CFAP44: variants seen among roughly 807,000 people sequenced by gnomAD.
CFAP44 encodes cilia- and flagella-associated protein 44.
CFAP44 carries 134 observed loss-of-function variants against 216.2 expected under a neutral mutation model. That is an observed-to-expected ratio of 0.62 (90% confidence interval 0.54 to 0.72). CFAP44 has a LOEUF of 0.72. Ranked by LOEUF, CFAP44 falls within the 30% of genes least tolerant of loss-of-function variation. The pLI is 0.00. For missense variants in CFAP44, 2,035 were observed against 2,182.1 expected (o/e 0.93, Z 1.34); for synonymous variants, 700 against 727.6 (o/e 0.96, Z 0.61).
At chr3:113,410,891 A>G (rs568967772) in intron 6 of CFAP44, among the ~76,000 whole-genome samples, 16 of 152,308 alleles carry the variant, frequency 1.1e-4, no homozygotes, top group Non-Finnish European at 1.8e-4. Context: ...CATTTCTCTG[A>G]TGGCCAGTGA....
At chr3:113,394,219 G>A (rs1933927208) in intron 15 of CFAP44, among the ~76,000 whole-genome samples, 1 of 152,008 alleles carries the variant, frequency 6.6e-6, no homozygotes, top group South Asian at 2.1e-4. Flanking sequence ...CATATGTATA[G>A]ATTTATGTAA....
chr3:113,390,479 A>G (rs1194783075), intron 15 of CFAP44, among the ~76,000 whole-genome samples: 5 of 152,170 alleles, frequency 3.3e-5, no homozygotes, highest in Non-Finnish European at 7.4e-5. Context: ...TCAACATAGT[A>G]CTGGAAGTTC....
intron 10 of CFAP44, 118 bp downstream of exon 10, chr3:113,401,466 A>G: frequency 2.3e-6 from 3 of 1,302,006 alleles, no homozygotes; most frequent in Non-Finnish European, 3.2e-6. Flanking sequence ...AAAGCCACAC[A>G]ATAAGCAATC....
At chr3:113,372,606 C>T (rs968538135) in intron 18 of CFAP44, among the ~76,000 whole-genome samples, 1 of 152,100 alleles carries the variant, frequency 6.6e-6, no homozygotes, top group Non-Finnish European at 1.5e-5. Flanking sequence ...GGAGGGATAG[C>T]ATTAGGAGAA....
chr3:113,436,123 C>T (rs962795458), intron 1 of CFAP44, among the ~76,000 whole-genome samples: 1 of 152,140 alleles, frequency 6.6e-6, no homozygotes, highest in Non-Finnish European at 1.5e-5. Flanking sequence ...ACATCCACTC[C>T]AGCACTGTCA....
At chr3:113,323,870 C>A (rs550514266) in intron 28 of CFAP44, among the ~76,000 whole-genome samples, 1 of 151,848 alleles carries the variant, frequency 6.6e-6, no homozygotes, top group Non-Finnish European at 1.5e-5. Context: ...GGTGAAATCC[C>A]GTCTCTACTA....
In CFAP44 at chr3:113,406,909, A is replaced by C; in HGVS notation, c.1005+18T>G. The C allele has an allele frequency of 6.4e-7, 1 of 1,569,102 alleles. No individual in the cohort carries two copies. Among genetic ancestry groups the C allele is most frequent in the Non-Finnish European group, 8.8e-7 (1 of 1,140,844 alleles). On this transcript the variant is annotated intron_variant, in intron 8 of 34. Coordinates refer to ENST00000393845, the MANE Select transcript of CFAP44 (RefSeq NM_001164496.2). ...TGAAAACACAATTTTAATATTGTAG[A>C]ATAGTAGCTGTACTCACCTTCCCAT...
At chr3:113,322,037 G>A (rs894750516) in intron 28 of CFAP44, among the ~76,000 whole-genome samples, 9 of 152,128 alleles carry the variant, frequency 5.9e-5, no homozygotes, top group African/African-American at 2.2e-4. Context: ...AAATTCATAT[G>A]GAACCAAAAA....
chr3:113,341,310 C>T (rs929446422), intron 24 of CFAP44, among the ~76,000 whole-genome samples: 49 of 152,142 alleles, frequency 3.2e-4, no homozygotes, highest in African/African-American at 4.8e-5. Flanking sequence ...AAAGGGACCA[C>T]TCCTTTCCCT....
In CFAP44 at chr3:113,296,812, C is replaced by T. The variant is rs1419493291; in HGVS notation, c.5151G>A (p.Thr1717=). Residue 1717 remains threonine, a synonymous_variant, in exon 33 of 35, where the codon ACG becomes ACA. Coordinates refer to ENST00000393845, the MANE Select transcript of CFAP44 (RefSeq NM_001164496.2). ...CTTCAAGTGTTGTATTAACAGAAAG[C>T]GTTTGAAGGGCTTCTAGATTTACCA... The part of the protein sequence containing the change: ...GRVVNLEALQ[T]LSVNTTLEEL... The T allele has an allele frequency of 5.9e-6, 9 of 1,537,454 alleles. No individual in the cohort carries two copies. Among genetic ancestry groups the T allele is most frequent in the Non-Finnish European group, 7.8e-6 (9 of 1,146,986 alleles).
Position 113,290,491 on chromosome 3 carries a change from A to G in CFAP44, c.*1066T>C, listed in dbSNP as rs1949818605. On this transcript the variant is annotated 3_prime_UTR_variant, in exon 35 of 35. Transcript: ENST00000393845. ...ACCCGCCCTTCTCAGTGACCAGCTTATCCTGGAACAGCCTCAATGAGTAGC... is the reference window on the plus strand; with the variant it reads ...ACCCGCCCTTCTCAGTGACCAGCTTGTCCTGGAACAGCCTCAATGAGTAGC... 6.6e-6 allele frequency: 1 copy of G among 152,232 alleles called. No homozygotes were observed. Among genetic ancestry groups the G allele is most frequent in the African/African-American group, 2.4e-5 (1 of 41,458 alleles). The allele number at this position is 152,232 out of a possible 1,614,324, so 9.4% of individuals were successfully genotyped here.
chr3:113,338,754 C>A (rs1950304520), intron 24 of CFAP44, among the ~76,000 whole-genome samples: 1 of 152,108 alleles, frequency 6.6e-6, no homozygotes, highest in Admixed American at 6.5e-5. Flanking sequence ...GAGAAGGGGA[C>A]CTTGGCCTTA....
chr3:113,308,285 G>C lies in CFAP44; in HGVS notation c.4517-17C>G. ...CATCTTCATCTATGGAAAGAGGAGG[G>C]CATTGTTAACAAAGAAGCTTCTATA... On this transcript the variant is annotated splice_polypyrimidine_tract_variant and intron_variant, in intron 28 of 34. Transcript: ENST00000393845. 4.0e-6 allele frequency: 6 copies of C among 1,492,242 alleles called. No homozygotes were observed. The highest frequency in any genetic ancestry group is 1.7e-4 in the Middle Eastern group (1 of 5,776). 92.4% of individuals were successfully genotyped at this position (1,492,242 alleles called of 1,614,324 possible).
chr3:113,366,428 C>G, intron 18 of CFAP44, 119 bp from the exon 19 acceptor site: 5 of 1,179,602 alleles, frequency 4.2e-6, no homozygotes, highest in Non-Finnish European at 5.9e-6. Flanking sequence ...ATTGTACACC[C>G]CTAAAATTCC....
At chr3:113,328,696 T>TAAAAAAA (rs58650082) in intron 26 of CFAP44, among the ~76,000 whole-genome samples, 21 of 28,508 alleles carry the variant, frequency 7.4e-4, no homozygotes, top group South Asian at 2.2e-3. Context: ...TTAGAGAGCT[T>TAAAAAAA]AAAAAAAAAA....
At chr3:113,393,646 G>A (rs564795420) in intron 15 of CFAP44, among the ~76,000 whole-genome samples, 1 of 152,278 alleles carries the variant, frequency 6.6e-6, no homozygotes, top group Admixed American at 6.5e-5. Flanking sequence ...CTCCCGAGTA[G>A]CTGGGACTAG....
rs1933768334 is a variant in CFAP44, at chr3:113,390,582, A to G, written c.1890+5168T>C. On this transcript the variant is annotated intron_variant, in intron 15 of 34. Transcript: ENST00000393845. ...CCTTGTTTGCAGATTATATGATCTT[A>G]TATTTGGTAAAATCTAAAGACGCCA... Among the ~76,000 whole-genome samples the G allele has an allele frequency of 2.6e-5, 4 of 152,184 alleles. No individual in the cohort carries two copies. The South Asian group carries it at 8.3e-4, about 31-fold the overall frequency.
intron 28 of CFAP44, among the ~76,000 whole-genome samples, chr3:113,313,769 C>G (rs1950062366): frequency 6.6e-6 from 1 of 152,138 alleles, no homozygotes; most frequent in South Asian, 2.1e-4. Flanking sequence ...TTGCCACCAC[C>G]ATGTAAGAAG....
In CFAP44 at chr3:113,407,021, G is replaced by A. The variant is rs762016042; in HGVS notation, c.911C>T (p.Thr304Met). The A allele has an allele frequency of 6.2e-6, 10 of 1,613,894 alleles. No homozygotes were observed. The highest frequency in any genetic ancestry group is 2.2e-5 in the East Asian group (1 of 44,882). ...GHIKFWEMAF[T>M]FTGLKLQGSL... ...TCCCTGCAGCTTGAGACCGGTGAAC[G>A]TAAAAGCCATTTCCCAGAACCTACA... is the stretch of plus-strand genomic sequence containing the variant. The change falls in exon 8 of 35, where the codon ACG becomes ATG. Residue 304 changes from threonine to methionine, a missense_variant. Around this residue, in one of 3 missense-constraint regions of CFAP44, gnomAD observed 1,883 missense variants for 2,023.7 expected, o/e 0.93. Coordinates refer to ENST00000393845, the MANE Select transcript of CFAP44 (RefSeq NM_001164496.2).
Sources: allele counts gnomAD v4.1 joint callset (sites outside exome capture counted in the v4.1 genomes callset), GRCh38; gene constraint gnomAD v4.1.1; regional missense constraint gnomAD v4.1.1; transcripts MANE v1.5; gene names NCBI Gene and HGNC (gene_info 2026-07-23, HGNC 2026-07-21).